The following CCDC73 variants were observed in gnomAD, a reference collection of about 807,000 sequenced individuals.
CCDC73 encodes the protein coiled-coil domain-containing protein 73.
CCDC73 carries 95 observed loss-of-function variants against 116.5 expected under a neutral mutation model. The ratio of observed to expected loss-of-function variants is 0.82; its 90% CI spans 0.69 to 0.97. The LOEUF is 0.97. Among genes scored for constraint, CCDC73 ranks in the 50% least tolerant of loss-of-function variants. CCDC73 has a pLI of 0.00. For missense variants in CCDC73, 1,066 were observed against 1,206.8 expected, an observed-to-expected ratio of 0.88 and a Z score of 1.73; for synonymous variants, 398 against 401.3, an observed-to-expected ratio of 0.99 and a Z score of 0.10.
chr11:32,639,495 G>A (rs1855713288), intron 13 of CCDC73, among the ~76,000 whole-genome samples: 2 of 151,688 alleles, frequency 1.3e-5, no homozygotes, highest in Non-Finnish European at 2.9e-5. Context: ...TGTTGCCTAG[G>A]CTGGAGTGCA....
chr11:32,719,198 C>T (rs531992875), intron 2 of CCDC73, among the ~76,000 whole-genome samples: 66 of 152,286 alleles, frequency 4.3e-4, no homozygotes, highest in Middle Eastern at 6.8e-3. Context: ...CTCCTGAATT[C>T]GCCCACATCA....
At chr11:32,733,726 A>G (rs1850100497) in intron 2 of CCDC73, among the ~76,000 whole-genome samples, 1 of 152,224 alleles carries the variant, frequency 6.6e-6, no homozygotes, top group Non-Finnish European at 1.5e-5. Flanking sequence ...ACCAACGAGA[A>G]CAAAGACACA....
intron 12 of CCDC73, among the ~76,000 whole-genome samples, chr11:32,651,192 C>T (rs1590569007): frequency 1.3e-5 from 2 of 152,146 alleles, no homozygotes; most frequent in African/African-American, 4.8e-5. Context: ...CACCCCAACC[C>T]ATGGCAAATG....
intron 14 of CCDC73, among the ~76,000 whole-genome samples, 188 bp downstream of exon 14, chr11:32,635,508 T>C (rs566035810): frequency 1.3e-5 from 2 of 152,202 alleles, no homozygotes; most frequent in Admixed American, 6.5e-5. Flanking sequence ...GAAATTCATA[T>C]AAAAAAATGA....
intron 14 of CCDC73, among the ~76,000 whole-genome samples, chr11:32,625,992 G>A (rs1426889655): frequency 7.4e-6 from 1 of 135,944 alleles, no homozygotes; most frequent in Non-Finnish European, 1.6e-5. Context: ...CAGTCAGGCA[G>A]GAGAAGGAAA....
intron 17 of CCDC73, among the ~76,000 whole-genome samples, chr11:32,609,773 C>T (rs1855396428): frequency 6.6e-6 from 1 of 151,864 alleles, no homozygotes; most frequent in African/African-American, 2.4e-5. Flanking sequence ...TGGTGGAAGG[C>T]AAAGGCAATT....
intron 2 of CCDC73, among the ~76,000 whole-genome samples, chr11:32,747,904 G>T (rs1850254963): frequency 6.6e-6 from 1 of 152,164 alleles, no homozygotes; most frequent in African/African-American, 2.4e-5. Flanking sequence ...GCGCTTCCTG[G>T]GTGAGGCGAC....
chr11:32,673,055 A>G (rs1856053575), intron 9 of CCDC73, among the ~76,000 whole-genome samples: 2 of 152,188 alleles, frequency 1.3e-5, no homozygotes, highest in Non-Finnish European at 2.9e-5. Flanking sequence ...TATATAAAGA[A>G]CTCTTAAAAC....
the CCDC73 span, among the ~76,000 whole-genome samples, chr11:32,809,525 C>T: frequency 6.6e-6 from 1 of 152,232 alleles, no homozygotes; most frequent in South Asian, 2.1e-4. Flanking sequence ...TTGGAGTTTC[C>T]AGATCCTGGA....
At chr11:32,794,837 C>A (rs953574410), upstream of CCDC73, among the ~76,000 whole-genome samples, 5 of 150,658 alleles carry the variant, frequency 3.3e-5, no homozygotes, top group Admixed American at 6.7e-5. Context: ...CTTATATATT[C>A]TTTTTTGTTT....
At chr11:32,603,291 T>C (rs1855301272) in intron 17 of CCDC73, 1 of 306,906 alleles carries the variant, frequency 3.3e-6, no homozygotes, top group South Asian at 1.1e-4. Context: ...CAGAACACCA[T>C]TGTTGAAGAA....
chr11:32,683,607 ATACTT>A, intron 6 of CCDC73, 33 bp from the exon 7 acceptor site: 1 of 1,261,996 alleles, frequency 7.9e-7, no homozygotes, highest in Non-Finnish European at 1.1e-6. Context: ...TCTCATTAAA[ATACTT>A]TAATTATCTA....
intron 2 of CCDC73, among the ~76,000 whole-genome samples, chr11:32,726,380 T>C (rs534948320): frequency 1.3e-5 from 2 of 152,144 alleles, no homozygotes; most frequent in South Asian, 4.2e-4. Flanking sequence ...TATGGAAATA[T>C]TAGAACTGAA....
the CCDC73 span, among the ~76,000 whole-genome samples, chr11:32,816,603 G>A: frequency 6.6e-6 from 1 of 152,158 alleles, no homozygotes; most frequent in Non-Finnish European, 1.5e-5. Context: ...GCTGTGGGGA[G>A]AAGGGTCACA....
intron 14 of CCDC73, among the ~76,000 whole-genome samples, chr11:32,634,770 G>A (rs535080973): frequency 5.3e-5 from 8 of 152,190 alleles, no homozygotes; most frequent in Middle Eastern, 3.4e-3. Context: ...AAAGTTCAAC[G>A]AAAACAACTA....
At chr11:32,762,946 A>G (rs551796362) in intron 1 of CCDC73, among the ~76,000 whole-genome samples, 1 of 152,300 alleles carries the variant, frequency 6.6e-6, no homozygotes, top group African/African-American at 2.4e-5. Flanking sequence ...ACACCAGGAA[A>G]TTATATCCTG....
At chr11:32,797,745 G>C (rs11603045), upstream of CCDC73, among the ~76,000 whole-genome samples, 978 of 152,228 alleles carry the variant, frequency 6.4e-3, 5 homozygotes, top group Admixed American at 0.013. Flanking sequence ...CAGTGCTTAA[G>C]AGCAAATGGC....
intron 1 of CCDC73, among the ~76,000 whole-genome samples, chr11:32,776,919 T>C (rs1850536467): frequency 7.6e-6 from 1 of 132,210 alleles, no homozygotes; most frequent in Non-Finnish European, 1.5e-5. Flanking sequence ...TCCTACAGAG[T>C]ATGGTTAAAA....
At chr11:32,781,257 G>A (rs188237102) in intron 1 of CCDC73, among the ~76,000 whole-genome samples, 248 of 152,302 alleles carry the variant, frequency 1.6e-3, no homozygotes, top group African/African-American at 5.7e-3. Context: ...ATTGAACAGT[G>A]GTATTTAGTT....
Sources: allele counts gnomAD v4.1 joint callset (sites outside exome capture counted in the v4.1 genomes callset), GRCh38; gene constraint gnomAD v4.1.1; transcripts MANE v1.5; gene names NCBI Gene and HGNC (gene_info 2026-07-23, HGNC 2026-07-21).